ZEB1: variants seen among roughly 807,000 people sequenced by gnomAD.
ZEB1 encodes the protein zinc finger E-box binding homeobox 1.
Under a neutral mutation model 84.9 loss-of-function variants are expected in ZEB1, and 21 were observed. The ratio of observed to expected loss-of-function variants is 0.25; its 90% confidence interval spans 0.18 to 0.36. ZEB1 has a LOEUF of 0.36. Ranked by LOEUF, ZEB1 falls within the 10% of genes least tolerant of loss-of-function variation. The pLI, the probability that ZEB1 is intolerant of heterozygous loss-of-function variation, is 1.00. For missense variants in ZEB1, 1,104 were observed against 1,330.2 expected (o/e 0.83, Z 2.65); for synonymous variants, 420 against 471.1 (o/e 0.89, Z 1.41).
intron 1 of ZEB1, among the ~76,000 whole-genome samples, chr10:31,449,303 C>A (rs1314710536): frequency 5.3e-5 from 8 of 152,240 alleles, no homozygotes; most frequent in Non-Finnish European, 1.2e-4. Flanking sequence ...CTGGCCTGCG[C>A]CTACTGTCTG....
chr10:31,410,026 G>T (rs2053935381), intron 1 of ZEB1, among the ~76,000 whole-genome samples: 1 of 152,166 alleles, frequency 6.6e-6, no homozygotes, highest in South Asian at 2.1e-4. Context: ...GATTGCCCAA[G>T]CCAGACTTCC....
intron 1 of ZEB1, among the ~76,000 whole-genome samples, chr10:31,426,727 A>C (rs1245715078): frequency 6.6e-6 from 1 of 152,058 alleles, no homozygotes; most frequent in Non-Finnish European, 1.5e-5. Flanking sequence ...GAATTGATTT[A>C]CCCTCTACCT....
At chr10:31,455,828 C>A (rs138102133) in intron 1 of ZEB1, among the ~76,000 whole-genome samples, 2 of 152,106 alleles carry the variant, frequency 1.3e-5, no homozygotes, top group African/African-American at 4.8e-5. Flanking sequence ...ATTAGTTCAA[C>A]CATTGTGGAA....
rs1046992544 is a variant in ZEB1 at position 31,523,934 on chromosome 10, A to G, written c.2606A>G (p.Asp869Gly). ...LKVIQPNGNQ[D>G]ERQDTSSEGV... ...TTTCTCACACCTTTCTCCCTCTAGG[A>G]TGAAAGACAAGATACTAGCTCAGAA... is the stretch of plus-strand genomic sequence containing the variant. Residue 869 changes from aspartate (D) to glycine (G), a missense_variant and splice_region_variant, in exon 8 of 9, where the codon GAT (aspartate) becomes GGT (glycine). By Grantham distance (94) the Asp-to-Gly change is moderately conservative (BLOSUM62 -1). This residue lies in a region of ZEB1 where 531 missense variants were observed against 575.2 expected (regional missense o/e 0.92). Transcript: ENST00000424869. 1 of 1,613,648 alleles carries G rather than the reference A, an allele frequency of 6.2e-7. No individual in the cohort carries two copies. Among genetic ancestry groups the G allele is most frequent in the Non-Finnish European group, 8.5e-7 (1 of 1,179,678 alleles).
rs1431090090 is a variant in ZEB1 at position 31,520,347 on chromosome 10, C to A, written c.1015C>A (p.Gln339Lys). 1.9e-6 allele frequency: 3 copies of A among 1,613,928 alleles called. No individual in the cohort carries two copies. The highest frequency in any genetic ancestry group is 3.3e-4 in the Middle Eastern group (2 of 6,056). The change falls in exon 7 of 9, where the codon CAA becomes AAA. Residue 339 changes from glutamine to lysine, a missense_variant. Transcript: ENST00000424869. This position sits in a 1 kb window ranked among gnomAD's most constrained non-coding sequence, Gnocchi z 5.1. ...IRQKIENKPL[Q>K]EQLSVNQIKT... is the part of the protein sequence containing the mutation. Reference sequence around the variant, plus strand: ...GCAAAAGATAGAGAATAAACCCCTTCAAGAACAACTTTCTGTTAACCAAAT... The same window carrying A: ...GCAAAAGATAGAGAATAAACCCCTTAAAGAACAACTTTCTGTTAACCAAAT...
chr10:31,350,080 G>A (rs2041055139), intron 1 of ZEB1, among the ~76,000 whole-genome samples: 1 of 151,984 alleles, frequency 6.6e-6, no homozygotes, highest in Non-Finnish European at 1.5e-5. Flanking sequence ...AATCAATTTT[G>A]AGTTGATTTT....
Position 31,437,804 on chromosome 10 carries a change from A to G in ZEB1, c.59-23233A>G, listed in dbSNP as rs577054349. 2.6e-5 allele frequency among the ~76,000 whole-genome samples: 4 copies of G among 152,320 alleles called. No individual in the cohort carries two copies. The East Asian group carries it at 7.7e-4, about 29-fold the overall frequency. ...TGGTCAGGAGTTTTAAATTACACAT[A>G]CAGCATTACTAGTTTGAAGGAATCT... On this transcript the variant is annotated intron_variant, in intron 1 of 8. Coordinates refer to ENST00000424869, the MANE Select transcript of ZEB1 (RefSeq NM_001174096.2).
chr10:31,480,294 G>A (rs1347628583), intron 2 of ZEB1, among the ~76,000 whole-genome samples: 1 of 152,020 alleles, frequency 6.6e-6, no homozygotes, highest in Non-Finnish European at 1.5e-5. Flanking sequence ...ATAGCACATA[G>A]TAATAACGCT....
rs374282945 is a variant in ZEB1 at position 31,467,931 on chromosome 10, C to T, written c.259+6694C>T. On this transcript the variant is annotated intron_variant, in intron 2 of 8. Transcript: ENST00000424869. ...CACAGGTGGTTTGGGATTTGCATAA[C>T]TAATTGGGCCGGCTGCCAGGGTGGA... Among the ~76,000 whole-genome samples the T allele has an allele frequency of 5.6e-4, 85 of 152,292 alleles. 3 individuals are homozygous for T. In the South Asian group the frequency reaches 0.017, roughly 30 times the overall value.
At chr10:31,456,284 C>A (rs1473676990) in intron 1 of ZEB1, among the ~76,000 whole-genome samples, 2 of 152,000 alleles carry the variant, frequency 1.3e-5, no homozygotes, top group Admixed American at 6.6e-5. Flanking sequence ...GGGAGAATAG[C>A]ATTAGAAGAA....
Position 31,382,531 on chromosome 10 carries a change from G to A in ZEB1, c.58+63239G>A, listed in dbSNP as rs76900723. 6.5e-3 allele frequency among the ~76,000 whole-genome samples: 983 copies of A among 152,214 alleles called. 13 individuals are homozygous for A. Among genetic ancestry groups the A allele is most frequent in the African/African-American group, 0.022 (929 of 41,536 alleles). On this transcript the variant is annotated intron_variant, in intron 1 of 8. Coordinates refer to ENST00000424869, the MANE Select transcript of ZEB1 (RefSeq NM_001174096.2). ...GGGGCACTTAAAGGATATTTGTTCA[G>A]TGGTGTTGGATAGTACTATTCAGTG...
At chr10:31,431,666 G>A (rs1228431934) in intron 1 of ZEB1, among the ~76,000 whole-genome samples, 2 of 152,062 alleles carry the variant, frequency 1.3e-5, no homozygotes, top group African/African-American at 4.8e-5. Context: ...GAACCTAGGT[G>A]CTACTAATTC....
chr10:31,391,772 T>G (rs2049780566), intron 1 of ZEB1, among the ~76,000 whole-genome samples: 1 of 152,186 alleles, frequency 6.6e-6, no homozygotes, highest in Non-Finnish European at 1.5e-5. Flanking sequence ...TAGTACCCTT[T>G]TTACCTGGGG....
chr10:31,378,623 G>C (rs538677206), intron 1 of ZEB1, among the ~76,000 whole-genome samples: 2 of 151,620 alleles, frequency 1.3e-5, no homozygotes, highest in African/African-American at 4.8e-5. Flanking sequence ...TTCAATTAGC[G>C]TAAAGAAAAA....
rs1276177849 is a variant in ZEB1, at chr10:31,502,455, C to T, written c.430C>T (p.Pro144Ser). The T allele has an allele frequency of 1.2e-6, 2 of 1,613,812 alleles. No individual in the cohort carries two copies. Among genetic ancestry groups the T allele is most frequent in the South Asian group, 1.1e-5 (1 of 91,072 alleles). ...QDTAVIFPEA[P>S]EEDQRQGTPE... ...CACTGCTGTCATTTTTCCTGAGGCA[C>T]CTGAAGAGGACCAGAGGCAGGGCAC... The change falls in exon 4 of 9, where the codon CCT becomes TCT. Residue 144 changes from proline to serine, a missense_variant. By Grantham distance (74) the Pro-to-Ser change is moderately conservative. Transcript: ENST00000424869.
At chr10:31,448,016 T>G (rs1158336419) in intron 1 of ZEB1, among the ~76,000 whole-genome samples, 2 of 150,866 alleles carry the variant, frequency 1.3e-5, no homozygotes, top group Admixed American at 1.3e-4. Flanking sequence ...GTTTTCCAAC[T>G]TGGTTCCATT....
At chr10:31,447,007 A>G (rs1404823271) in intron 1 of ZEB1, among the ~76,000 whole-genome samples, 1 of 150,948 alleles carries the variant, frequency 6.6e-6, no homozygotes, top group Non-Finnish European at 1.5e-5. Context: ...TAATGTTGAC[A>G]GTGGGGTGTT....
chr10:31,464,255 A>T (rs1252114545), intron 2 of ZEB1, among the ~76,000 whole-genome samples: 1 of 152,124 alleles, frequency 6.6e-6, no homozygotes, highest in Non-Finnish European at 1.5e-5. Context: ...CGGGAGGCTG[A>T]GGCAGGAGAA....
chr10:31,516,040 A>G (rs1412900584), intron 6 of ZEB1, among the ~76,000 whole-genome samples: 1 of 152,118 alleles, frequency 6.6e-6, no homozygotes. Flanking sequence ...TGGAAGATTT[A>G]TCAGATCTAT....
Sources: gnomAD v4.1 joint callset for allele counts (sites outside exome capture counted in the v4.1 genomes callset) on GRCh38, gnomAD v4.1.1 for gene constraint, gnomAD v4.1.1 regional missense constraint, Gnocchi (gnomAD v3.1) non-coding constraint, MANE v1.5 for transcripts, NCBI Gene and HGNC (gene_info 2026-07-23, HGNC 2026-07-21) for gene names.